The following TAFA2 variants were observed in gnomAD, a reference collection of about 807,000 sequenced individuals.
The protein encoded by TAFA2 is chemokine-like protein TAFA-2.
A neutral mutation model predicts 18.8 loss-of-function variants in TAFA2; 7 were observed. That is an observed-to-expected ratio of 0.37 (90% CI 0.21 to 0.70). The LOEUF (loss-of-function observed/expected upper bound fraction) is 0.70. TAFA2 is among the 30% of genes least tolerant of loss of function. TAFA2 has a pLI of 0.53. For missense variants in TAFA2, 122 were observed against 158.1 expected, an observed-to-expected ratio of 0.77 and a Z score of 1.23; for synonymous variants, 60 against 54.2, an observed-to-expected ratio of 1.11 and a Z score of -0.47.
intron 1 of TAFA2, among the ~76,000 whole-genome samples, chr12:61,995,394 C>T (rs1216374733): frequency 6.6e-6 from 1 of 152,194 alleles, no homozygotes; most frequent in Non-Finnish European, 1.5e-5. Flanking sequence ...TCTCACAATT[C>T]GTTTCAAATG....
intron 1 of TAFA2, among the ~76,000 whole-genome samples, chr12:62,154,364 T>A (rs1022481875): frequency 7.9e-5 from 12 of 152,080 alleles, no homozygotes; most frequent in African/African-American, 2.9e-4. Context: ...CAGATCAGAG[T>A]CAGGCTTCCA....
chr12:62,201,925 T>C (rs551642362), intron 1 of TAFA2, among the ~76,000 whole-genome samples: 60 of 152,304 alleles, frequency 3.9e-4, no homozygotes, highest in Admixed American at 7.2e-4. Flanking sequence ...TAACCTTTTA[T>C]TGGTCTATTT....
chr12:61,732,728 A>AT lies in TAFA2; in HGVS notation c.384+20893dup, dbSNP rs146382537. Among the ~76,000 whole-genome samples the AT allele has an allele frequency of 9.0e-3, 998 of 111,082 alleles. 8 individuals are homozygous for AT. Among genetic ancestry groups the AT allele is most frequent in the South Asian group, 0.028 (91 of 3,302 alleles). The allele number at this position is 111,082 out of a possible 152,430, so 72.9% of individuals were successfully genotyped here. A position where few individuals can be genotyped will look rare whatever the true frequency, so the allele number is the denominator to read the frequency against. ...AGAGACAAGGTGGAGTGAGCAAGTGATTTTTTGTGTGTGTGTGTGTGTGTG... is the reference window on the plus strand; with the variant it reads ...AGAGACAAGGTGGAGTGAGCAAGTGATTTTTTTGTGTGTGTGTGTGTGTGTG... On this transcript the variant is annotated intron_variant, in intron 4 of 4. Transcript: ENST00000416284.
intron 1 of TAFA2, among the ~76,000 whole-genome samples, chr12:62,046,048 A>G (rs1281059949): frequency 6.6e-6 from 1 of 152,158 alleles, no homozygotes; most frequent in Non-Finnish European, 1.5e-5. Context: ...AGCTAGAGAA[A>G]TAAGAGGCCC....
chr12:61,942,279 C>T (rs1400197203), intron 1 of TAFA2, among the ~76,000 whole-genome samples: 1 of 144,980 alleles, frequency 6.9e-6, no homozygotes, highest in African/African-American at 2.6e-5. Context: ...ACAGAAAGGA[C>T]ATCCACACCG....
intron 1 of TAFA2, among the ~76,000 whole-genome samples, chr12:62,082,041 G>C (rs1044205218): frequency 5.3e-5 from 8 of 151,782 alleles, no homozygotes; most frequent in African/African-American, 1.9e-4. Flanking sequence ...AGAATATACA[G>C]TGTTTGGTTT....
intron 1 of TAFA2, among the ~76,000 whole-genome samples, chr12:61,992,868 A>C (rs1202752573): frequency 6.6e-6 from 1 of 152,180 alleles, no homozygotes; most frequent in Non-Finnish European, 1.5e-5. Context: ...TGTTTGTTGA[A>C]AGAATAGACT....
chr12:61,837,746 G>A (rs777491801), intron 2 of TAFA2, among the ~76,000 whole-genome samples: 67 of 152,018 alleles, frequency 4.4e-4, no homozygotes, highest in South Asian at 6.2e-4. Flanking sequence ...CTAGCAGGGG[G>A]TGGGGTAGGA....
chr12:61,759,278 G>C (rs1009982275), intron 2 of TAFA2, among the ~76,000 whole-genome samples: 2 of 152,032 alleles, frequency 1.3e-5, no homozygotes, highest in Non-Finnish European at 2.9e-5. Flanking sequence ...CTGGACGAAG[G>C]TTGTACTGTA....
intron 1 of TAFA2, among the ~76,000 whole-genome samples, chr12:61,877,802 T>C (rs1181130407): frequency 1.3e-5 from 2 of 152,052 alleles, no homozygotes; most frequent in Non-Finnish European, 2.9e-5. Flanking sequence ...ACAATGGACA[T>C]GAGAGTACTC....
chr12:62,026,009 T>G (rs1592557888), intron 1 of TAFA2, among the ~76,000 whole-genome samples: 1 of 152,180 alleles, frequency 6.6e-6, no homozygotes, highest in Non-Finnish European at 1.5e-5. Flanking sequence ...ATATATATTT[T>G]AGTACATGCA....
chr12:61,951,578 T>C (rs990743494), intron 1 of TAFA2, among the ~76,000 whole-genome samples: 1 of 152,042 alleles, frequency 6.6e-6, no homozygotes, highest in Non-Finnish European at 1.5e-5. Context: ...AGGAAAGCCT[T>C]GGCAACTCTA....
intron 1 of TAFA2, among the ~76,000 whole-genome samples, chr12:62,139,839 T>A (rs1592360308): frequency 6.6e-6 from 1 of 152,174 alleles, no homozygotes; most frequent in East Asian, 1.9e-4. Context: ...GAGAAGTGAC[T>A]CGCCCAAGGT....
chr12:61,829,085 T>C, intron 2 of TAFA2, among the ~76,000 whole-genome samples: 1 of 151,826 alleles, frequency 6.6e-6, no homozygotes, highest in Non-Finnish European at 1.5e-5. Flanking sequence ...TAGTAAGATA[T>C]TTGTGAGTAT....
chr12:62,204,134 CT>C (rs577193842), intron 1 of TAFA2, among the ~76,000 whole-genome samples: 5 of 149,012 alleles, frequency 3.4e-5, no homozygotes, highest in East Asian at 2.0e-4. Flanking sequence ...GTTGGAAATT[CT>C]TTTTTTTTTA....
chr12:62,228,773 T>C (rs575785439), intron 1 of TAFA2, among the ~76,000 whole-genome samples: 1 of 152,326 alleles, frequency 6.6e-6, no homozygotes, highest in East Asian at 1.9e-4. Context: ...GGTATTTTGA[T>C]AGGAATTGCA....
At chr12:62,230,426 T>G (rs771424616) in intron 1 of TAFA2, among the ~76,000 whole-genome samples, 7 of 152,150 alleles carry the variant, frequency 4.6e-5, no homozygotes, top group Non-Finnish European at 8.8e-5. Flanking sequence ...TTCATCTCTT[T>G]CAAGAAATTT....
At chr12:61,987,053 G>A (rs561246887) in intron 1 of TAFA2, among the ~76,000 whole-genome samples, 21 of 152,152 alleles carry the variant, frequency 1.4e-4, no homozygotes, top group Middle Eastern at 3.4e-3. Flanking sequence ...TAGTTGATTC[G>A]CTCCTCCAAA....
At chr12:62,137,125 G>A (rs989147402) in intron 1 of TAFA2, among the ~76,000 whole-genome samples, 1 of 152,088 alleles carries the variant, frequency 6.6e-6, no homozygotes, top group Non-Finnish European at 1.5e-5. Context: ...TAGCAGAAAA[G>A]CTCCTGTTTC....
Sources: gnomAD v4.1 joint callset for allele counts (sites outside exome capture counted in the v4.1 genomes callset) on GRCh38, gnomAD v4.1.1 for gene constraint, MANE v1.5 for transcripts, NCBI Gene and HGNC (gene_info 2026-07-23, HGNC 2026-07-21) for gene names.